Variants in AGBL1 observed in about 807,000 individuals in gnomAD.
AGBL1 encodes AGBL carboxypeptidase 1.
AGBL1 carries 130 observed loss-of-function variants against 118.9 expected under a neutral mutation model. That is an observed-to-expected ratio of 1.09 (90% CI 0.95 to 1.26). The LOEUF (loss-of-function observed/expected upper bound fraction) is 1.26, where lower values mean the gene tolerates loss of function less well. Ranked by LOEUF, AGBL1 falls within the 50% of genes most tolerant of loss-of-function variation. The pLI, the probability that AGBL1 is intolerant of heterozygous loss-of-function variation, is 0.00. For synonymous variants in AGBL1, 555 were observed against 478.9 expected (o/e 1.16, Z -2.08); for missense variants, 1,584 against 1,298.1 (o/e 1.22, Z -3.38).
At position 86,472,793 on chromosome 15, in the gene AGBL1, C is replaced by T. The variant is rs563394959; in HGVS notation, c.2556-50017C>T. Among the ~76,000 whole-genome samples the T allele has an allele frequency of 2.6e-5, 4 of 152,236 alleles. No individual in the cohort carries two copies. In the East Asian group the frequency reaches 5.8e-4, roughly 22 times the overall value. On this transcript the variant is annotated intron_variant, in intron 18 of 22. Coordinates refer to ENST00000614907, the MANE Select transcript of AGBL1 (RefSeq NM_001386094.1). The stretch of plus-strand genomic sequence containing the variant: ...AATTAGCCAGGTGTGATGGCACAGG[C>T]CTGTAATCCCAGCTACTTGGGAGGC...
chr15:86,879,225 A>G (rs779740813), intron 22 of AGBL1, among the ~76,000 whole-genome samples: 6 of 152,044 alleles, frequency 3.9e-5, no homozygotes, highest in Non-Finnish European at 7.4e-5. Context: ...CAAAATGACT[A>G]ATTTTCATTT....
intron 1 of AGBL1, among the ~76,000 whole-genome samples, chr15:86,119,585 A>G (rs1897966990): frequency 6.6e-6 from 1 of 152,104 alleles, no homozygotes; most frequent in Admixed American, 6.5e-5. Context: ...GGTTAAAACT[A>G]TAGGAACATG....
At chr15:86,752,539 G>A (rs1174695802) in intron 22 of AGBL1, among the ~76,000 whole-genome samples, 1 of 152,106 alleles carries the variant, frequency 6.6e-6, no homozygotes, top group Non-Finnish European at 1.5e-5. Context: ...CACCTTCCCA[G>A]ATCCATGCTT....
chr15:86,169,763 A>T (rs1211795150), intron 5 of AGBL1, among the ~76,000 whole-genome samples: 1 of 152,220 alleles, frequency 6.6e-6, no homozygotes, highest in African/African-American at 2.4e-5. Context: ...AGTTGGTTGA[A>T]TCCATGTGTG....
chr15:86,359,567 T>C (rs1341119057), intron 17 of AGBL1, among the ~76,000 whole-genome samples: 4 of 151,364 alleles, frequency 2.6e-5, no homozygotes, highest in Non-Finnish European at 4.4e-5. Context: ...ATTTTTTTTT[T>C]CTATTTTTGT....
chr15:86,912,752 G>T lies in AGBL1; in HGVS notation c.*5458G>T, dbSNP rs981422606. The T allele has an allele frequency of 1.4e-4, 21 of 152,090 alleles. No homozygotes were observed. Among genetic ancestry groups the T allele is most frequent in the African/African-American group, 5.1e-4 (21 of 41,436 alleles). The allele number at this position is 152,090 out of a possible 1,614,324, so 9.4% of individuals were successfully genotyped here. On this transcript the variant is annotated 3_prime_UTR_variant, in exon 23 of 23. Coordinates refer to ENST00000614907, the MANE Select transcript of AGBL1 (RefSeq NM_001386094.1). Reference sequence around the variant, plus strand: ...AGTCATCCTTGTTAGGGCCACAGAAGAATGACTCGCATGGTGGATCTCAGC... The same window carrying T: ...AGTCATCCTTGTTAGGGCCACAGAATAATGACTCGCATGGTGGATCTCAGC...
Position 86,613,262 on chromosome 15 carries a change from A to G in AGBL1, c.2994+58725A>G, listed in dbSNP as rs2084681403. Reference sequence around the variant, plus strand: ...GAGCGAGAGGTTTGTTGGTTTTGGAACGTAAGATCCCAAACCATTGGAGAA... The same window carrying G: ...GAGCGAGAGGTTTGTTGGTTTTGGAGCGTAAGATCCCAAACCATTGGAGAA... On this transcript the variant is annotated intron_variant, in intron 21 of 22. Transcript: ENST00000614907. This position sits in a 1 kb window ranked among gnomAD's most constrained non-coding sequence, Gnocchi z 4.2. Among the ~76,000 whole-genome samples the G allele has an allele frequency of 1.3e-5, 2 of 152,308 alleles. No homozygotes were observed. The highest frequency in any genetic ancestry group is 4.1e-4 in the South Asian group (2 of 4,830).
chr15:86,804,430 C>G (rs1596497027), intron 22 of AGBL1, among the ~76,000 whole-genome samples: 1 of 152,196 alleles, frequency 6.6e-6, no homozygotes, highest in East Asian at 1.9e-4. Context: ...CATATTTTCT[C>G]CTTAGCTGGT....
chr15:86,661,988 C>T (rs765515546), intron 21 of AGBL1, among the ~76,000 whole-genome samples: 2 of 152,112 alleles, frequency 1.3e-5, no homozygotes, highest in African/African-American at 4.8e-5. Context: ...TTTATCTTAC[C>T]TCATTCAACA....
chr15:86,997,755 G>C (rs1412698344), intron 24 of AGBL1, among the ~76,000 whole-genome samples: 1 of 151,906 alleles, frequency 6.6e-6, no homozygotes, highest in East Asian at 1.9e-4. Flanking sequence ...TAATATCTCT[G>C]CTCCTTTTTT....
chr15:86,813,321 C>G (rs144885805), intron 22 of AGBL1, among the ~76,000 whole-genome samples: 3 of 152,208 alleles, frequency 2.0e-5, no homozygotes, highest in Admixed American at 1.3e-4. Flanking sequence ...TCTCTCCATT[C>G]TCGTTTTCCC....
intron 22 of AGBL1, among the ~76,000 whole-genome samples, chr15:86,713,915 G>A (rs557479741): frequency 2.0e-5 from 3 of 152,188 alleles, no homozygotes; most frequent in East Asian, 1.9e-4. Flanking sequence ...GCATGCGGCT[G>A]TTAGAGAGAG....
At chr15:86,727,082 GAA>G (rs2086832161) in intron 22 of AGBL1, among the ~76,000 whole-genome samples, 1 of 152,184 alleles carries the variant, frequency 6.6e-6, no homozygotes, top group Non-Finnish European at 1.5e-5. Context: ...AAATGGAAAA[GAA>G]AGTGTCAGGC....
intron 5 of AGBL1, among the ~76,000 whole-genome samples, chr15:86,216,704 C>A (rs1375607128): frequency 6.6e-6 from 1 of 152,124 alleles, no homozygotes; most frequent in Admixed American, 6.6e-5. Flanking sequence ...CTACTCTTGT[C>A]TTCCTAGTCC....
intron 6 of AGBL1, among the ~76,000 whole-genome samples, chr15:86,236,627 C>T (rs1874525): frequency 0.26 from 39,424 of 151,648 alleles, 6,063 homozygotes; most frequent in Admixed American, 0.36. Context: ...TTGGATAAAA[C>T]GACATGAACA....
At chr15:86,111,119 G>T (rs551522317) in intron 1 of AGBL1, among the ~76,000 whole-genome samples, 16 of 152,372 alleles carry the variant, frequency 1.1e-4, no homozygotes, top group Middle Eastern at 3.4e-3. Flanking sequence ...CTGGGCTCAG[G>T]CCAATGCCCC....
intron 18 of AGBL1, among the ~76,000 whole-genome samples, chr15:86,512,009 A>G (rs2083058076): frequency 6.6e-6 from 1 of 151,978 alleles, no homozygotes; most frequent in Non-Finnish European, 1.5e-5. Context: ...GGTTTTGAGC[A>G]CAGTTTAGGA....
chr15:86,762,181 A>G (rs2078035686), intron 22 of AGBL1, among the ~76,000 whole-genome samples: 1 of 152,014 alleles, frequency 6.6e-6, no homozygotes, highest in African/African-American at 2.4e-5. Flanking sequence ...GAACACATAG[A>G]CACAAGGAGG....
chr15:86,149,859 T>C (rs1474370277), intron 3 of AGBL1, among the ~76,000 whole-genome samples: 1 of 152,160 alleles, frequency 6.6e-6, no homozygotes, highest in African/African-American at 2.4e-5. Flanking sequence ...TATTCTAAAA[T>C]AGACCACATA....
Sources: allele counts gnomAD v4.1 joint callset (sites outside exome capture counted in the v4.1 genomes callset), GRCh38; gene constraint gnomAD v4.1.1; non-coding constraint Gnocchi (gnomAD v3.1); transcripts MANE v1.5; gene names NCBI Gene and HGNC (gene_info 2026-07-23, HGNC 2026-07-21).